The following MTOR variants were observed in gnomAD, a reference collection of about 807,000 sequenced individuals.
The protein encoded by MTOR is serine/threonine-protein kinase mTOR.
A neutral mutation model predicts 319.8 loss-of-function variants in MTOR; 70 were observed. The ratio of observed to expected loss-of-function variants is 0.22; its 90% CI spans 0.18 to 0.27. MTOR has a LOEUF of 0.27. Among genes scored for constraint, MTOR ranks in the 10% least tolerant of loss-of-function variants. The probability of loss-of-function intolerance (pLI) is 1.00; values close to 1 mark genes in which losing one functional copy is unlikely to be tolerated. For synonymous variants in MTOR, 1,183 were observed against 1,211.4 expected (o/e 0.98, Z 0.49); for missense variants, 1,890 against 3,274.4 (o/e 0.58, Z 10.32).
intron 6 of MTOR, among the ~76,000 whole-genome samples, chr1:11,248,973 C>G (rs953225749): frequency 6.6e-6 from 1 of 151,858 alleles, no homozygotes; most frequent in Admixed American, 6.6e-5. Flanking sequence ...CGCCTGTAAT[C>G]CCAGCACTTT....
chr1:11,179,580 C>T (rs1324710592), intron 28 of MTOR, among the ~76,000 whole-genome samples: 1 of 152,260 alleles, frequency 6.6e-6, no homozygotes, highest in Non-Finnish European at 1.5e-5. Flanking sequence ...CAATTCCTCG[C>T]TGATGGCGAG....
intron 24 of MTOR, 130 bp from the exon 25 acceptor site, chr1:11,209,588 A>T (rs960719253): frequency 8.4e-6 from 9 of 1,066,580 alleles, no homozygotes; most frequent in Non-Finnish European, 1.2e-5. Context: ...AAAGTTGCAC[A>T]TATGGACAAA....
At chr1:11,161,401 T>C (rs1644472397) in intron 29 of MTOR, among the ~76,000 whole-genome samples, 1 of 152,170 alleles carries the variant, frequency 6.6e-6, no homozygotes, top group East Asian at 1.9e-4. Flanking sequence ...TGCTGCAGAC[T>C]TAAATGTCCC....
chr1:11,228,608 TG>T lies in MTOR; in HGVS notation c.3030+59del. ...CACAATTAAGAAGCTGAAGCACAGA[TG>T]GATCTGTGCATGTGTGGTGCAGAGG... is the stretch of plus-strand genomic sequence containing the variant. On this transcript the variant is annotated intron_variant, in intron 19 of 57. Transcript: ENST00000361445. 1.9e-6 allele frequency: 3 copies of T among 1,578,494 alleles called. No individual in the cohort carries two copies. The South Asian group carries it at 3.5e-5, about 19-fold the overall frequency.
At chr1:11,124,427 C>G (rs937375525) in intron 47 of MTOR, 71 bp downstream of exon 47, 3 of 1,562,804 alleles carry the variant, frequency 1.9e-6, no homozygotes, top group African/African-American at 2.7e-5. Flanking sequence ...TAATACATGA[C>G]TACACGAGAC....
At chr1:11,192,466 G>A (rs542443561) in intron 28 of MTOR, 34 of 1,129,652 alleles carry the variant, frequency 3.0e-5, no homozygotes, top group Non-Finnish European at 4.4e-5. Context: ...TTAAAGAAAG[G>A]AAAATTCGGC....
intron 30 of MTOR, among the ~76,000 whole-genome samples, chr1:11,156,356 A>G (rs1270501298): frequency 6.6e-6 from 1 of 152,184 alleles, no homozygotes; most frequent in Non-Finnish European, 1.5e-5. Context: ...TATTTTAACT[A>G]TTTTTTAAAA....
rs1234575004 is a variant in MTOR at position 11,109,218 on chromosome 1, C to T, written c.7528+72G>A. 3 of 1,411,358 alleles carry T rather than the reference C, an allele frequency of 2.1e-6. No homozygotes were observed. Among genetic ancestry groups the T allele is most frequent in the Non-Finnish European group, 3.0e-6 (3 of 1,008,466 alleles). 87.4% of individuals were successfully genotyped at this position (1,411,358 alleles called of 1,614,324 possible). ...GTCACTAACACCACTGGACATGGGG[C>T]TGACCACCACTCAGAGAGGAAAGTG... is the stretch of plus-strand genomic sequence containing the variant. On this transcript the variant is annotated intron_variant, in intron 56 of 57. Coordinates refer to ENST00000361445, the MANE Select transcript of MTOR (RefSeq NM_004958.4). The surrounding 1 kb of genome is among the most constrained non-coding windows in gnomAD (Gnocchi z 4.0).
Position 11,194,482 on chromosome 1 carries a change from T to C in MTOR, c.4253+4776A>G, listed in dbSNP as rs527514497. 27 of 1,614,150 alleles carry C rather than the reference T, an allele frequency of 1.7e-5. No individual in the cohort carries two copies. The South Asian group carries it at 2.5e-4, about 15-fold the overall frequency. On this transcript the variant is annotated intron_variant, in intron 28 of 57. Coordinates refer to ENST00000361445, the MANE Select transcript of MTOR (RefSeq NM_004958.4). Reference sequence around the variant, plus strand: ...ACAGGACTGGGAGGGCAACCTGCGCTACGCTGAGTATAGCCACTTTGTTTT... The same window carrying C: ...ACAGGACTGGGAGGGCAACCTGCGCCACGCTGAGTATAGCCACTTTGTTTT...
At chr1:11,243,000 A>C in intron 9 of MTOR, 114 bp downstream of exon 9, 1 of 1,033,960 alleles carries the variant, frequency 9.7e-7, no homozygotes, top group Non-Finnish European at 1.4e-6. Flanking sequence ...GATTTGCTAT[A>C]CCCTGGAGTT....
intron 29 of MTOR, 25 bp from the exon 30 acceptor site, chr1:11,157,316 C>T (rs1172605929): frequency 1.2e-6 from 2 of 1,608,368 alleles, no homozygotes; most frequent in South Asian, 2.2e-5. Flanking sequence ...AGAAAGACTG[C>T]TGTGAGGTAC....
At chr1:11,238,672 G>T in intron 11 of MTOR, 55 bp from the exon 12 acceptor site, 1 of 1,454,678 alleles carries the variant, frequency 6.9e-7, no homozygotes, top group Non-Finnish European at 9.4e-7. Context: ...TAGACAGGTA[G>T]GTCTGCAGCT....
intron 28 of MTOR, chr1:11,189,738 G>C: frequency 1.2e-6 from 2 of 1,614,174 alleles, no homozygotes; most frequent in Non-Finnish European, 1.7e-6. Context: ...AGGAGCTCAA[G>C]GCCCAAGTTG....
At chr1:11,143,967 T>C (rs940844178) in intron 34 of MTOR, 1 of 152,188 alleles carries the variant, frequency 6.6e-6, no homozygotes, top group Non-Finnish European at 1.5e-5. Context: ...TGACAGTTTC[T>C]CATGTTAAAA....
At chr1:11,177,969 C>A (rs1009894842) in intron 28 of MTOR, among the ~76,000 whole-genome samples, 1 of 111,520 alleles carries the variant, frequency 9.0e-6, no homozygotes, top group Non-Finnish European at 1.8e-5. Flanking sequence ...AGTATAGATA[C>A]AATTTTGTAT....
At chr1:11,125,732 GAA>G (rs567989861) in intron 46 of MTOR, among the ~76,000 whole-genome samples, 32 of 113,692 alleles carry the variant, frequency 2.8e-4, no homozygotes, top group Non-Finnish European at 3.6e-4. Context: ...CTGTCTTGGG[GAA>G]AAAAAAAAAA....
At position 11,129,870 on chromosome 1, in the gene MTOR, T is replaced by G; in HGVS notation, c.5614-32A>C. 6.3e-6 allele frequency: 10 copies of G among 1,583,648 alleles called. No homozygotes were observed. The highest frequency in any genetic ancestry group is 8.7e-6 in the Non-Finnish European group (10 of 1,152,918). On this transcript the variant is annotated intron_variant, in intron 39 of 57. Transcript: ENST00000361445. The surrounding 1 kb of genome is among the most constrained non-coding windows in gnomAD (Gnocchi z 4.7). ...GAACACACACGTGTTAGCGACACTC[T>G]TGCCTCTGCTTTCTCATCTGTAAAA...
chr1:11,213,599 C>A, intron 20 of MTOR, 33 bp from the exon 21 acceptor site: 1 of 1,604,556 alleles, frequency 6.2e-7, no homozygotes, highest in South Asian at 1.1e-5. Flanking sequence ...GGAGCTGAGT[C>A]AGGTCCCTTT....
At chr1:11,217,979 T>C (rs1646529769) in intron 19 of MTOR, among the ~76,000 whole-genome samples, 1 of 152,142 alleles carries the variant, frequency 6.6e-6, no homozygotes, top group African/African-American at 2.4e-5. Context: ...ATGATAACTT[T>C]GACTTCTAAG....
Sources: allele counts gnomAD v4.1 joint callset (sites outside exome capture counted in the v4.1 genomes callset), GRCh38; gene constraint gnomAD v4.1.1; non-coding constraint Gnocchi (gnomAD v3.1); transcripts MANE v1.5; gene names NCBI Gene and HGNC (gene_info 2026-07-23, HGNC 2026-07-21).